KRT7: variants seen among roughly 807,000 people sequenced by gnomAD.
KRT7 encodes the protein keratin, type II cytoskeletal 7.
KRT7 carries 50 observed loss-of-function variants against 42.8 expected under a neutral mutation model. The observed-to-expected ratio is 1.17, with a 90% CI of 0.93 to 1.48. The LOEUF (loss-of-function observed/expected upper bound fraction) is 1.48. KRT7 is among the 40% of genes most tolerant of loss of function. The pLI is 0.00. For missense variants in KRT7, 588 were observed against 637.6 expected (o/e 0.92, Z 0.84); for synonymous variants, 268 against 266.3 (o/e 1.01, Z -0.06).
At chr12:52,253,442 A>G, downstream of KRT7, 1 of 1,549,658 alleles carries the variant, frequency 6.5e-7, no homozygotes, top group Non-Finnish European at 8.9e-7. Flanking sequence ...CTGTGCAACC[A>G]CACATGGCAG....
Position 52,235,297 on chromosome 12 carries a change from A to T in KRT7, c.467A>T (p.Gln156Leu). Residue 156 changes from glutamine to leucine, a missense_variant, in exon 2 of 9, where the codon CAG becomes CTG. Physicochemically the swap from Gln to Leu is moderately radical, Grantham distance 113. Transcript: ENST00000331817. ...AGLRGQLEAL[Q>L]VDGGRLEAEL... ...CTTCGGGGTCAGCTTGAGGCACTGC[A>T]GGTGGATGGGGGCCGCCTGGAGGCG... The T allele has an allele frequency of 6.2e-7, 1 of 1,614,082 alleles. No homozygotes were observed. The highest frequency in any genetic ancestry group is 8.5e-7 in the Non-Finnish European group (1 of 1,179,982).
chr12:52,239,950 G>A (rs1592391271), intron 4 of KRT7, among the ~76,000 whole-genome samples: 1 of 152,214 alleles, frequency 6.6e-6, no homozygotes. Flanking sequence ...GCAGAGGCTA[G>A]GCTGGGCATA....
intron 6 of KRT7, chr12:52,244,334 C>T (rs968398931): frequency 9.1e-6 from 9 of 985,516 alleles, no homozygotes; most frequent in South Asian, 4.7e-5. Context: ...CCAAACCCTG[C>T]AGCCTCTACT....
chr12:52,255,243 G>A (rs148948838), downstream of KRT7: 4 of 429,176 alleles, frequency 9.3e-6, no homozygotes, highest in Non-Finnish European at 1.9e-5. Flanking sequence ...GAACTACAGA[G>A]AGCCTGATGT....
downstream of KRT7, chr12:52,252,613 G>T: frequency 8.9e-7 from 1 of 1,123,266 alleles, no homozygotes; most frequent in Non-Finnish European, 1.2e-6. Flanking sequence ...TTGCAAATTA[G>T]TGCTCCCAGG....
At chr12:52,252,226 C>G (rs560942874), downstream of KRT7, 41 of 1,613,058 alleles carry the variant, frequency 2.5e-5, no homozygotes, top group African/African-American at 5.3e-4. Flanking sequence ...CTGGGGGAAA[C>G]TGAGGGGACA....
chr12:52,248,830 C>A lies in KRT7; in HGVS notation c.*70C>A. ...CAAGAAGATTCCCACCCCTGCCTCC[C>A]ATGCCTGGTCCCAAGACAGTGAGAC... On this transcript the variant is annotated 3_prime_UTR_variant, in exon 9 of 9. Coordinates refer to ENST00000331817, the MANE Select transcript of KRT7 (RefSeq NM_005556.4). The A allele has an allele frequency of 7.1e-7, 1 of 1,406,498 alleles. No individual in the cohort carries two copies. Among genetic ancestry groups the A allele is most frequent in the African/African-American group, 1.5e-5 (1 of 68,496 alleles). 87.1% of individuals were successfully genotyped at this position (1,406,498 alleles called of 1,614,324 possible).
chr12:52,243,945 G>A (rs1016677018), intron 6 of KRT7, among the ~76,000 whole-genome samples: 1 of 152,250 alleles, frequency 6.6e-6, no homozygotes, highest in Non-Finnish European at 1.5e-5. Flanking sequence ...GCAGGGGCAC[G>A]GGTCTCAGAT....
chr12:52,253,405 G>A (rs1942296890), downstream of KRT7: 2 of 1,589,782 alleles, frequency 1.3e-6, no homozygotes, highest in Non-Finnish European at 1.7e-6. Flanking sequence ...CACCACGGAT[G>A]ATTGTGCAGG....
chr12:52,240,781 TTTA>T lies in KRT7; in HGVS notation c.694-683_694-681del, dbSNP rs1247115486. On this transcript the variant is annotated intron_variant, in intron 4 of 8. Coordinates refer to ENST00000331817, the MANE Select transcript of KRT7 (RefSeq NM_005556.4). The stretch of plus-strand genomic sequence containing the variant: ...AATAGCATCATGCTTTATTTTAATT[TTTA>T]TTATTATACTTTAAGTTCTAGGGTA... Among the ~76,000 whole-genome samples the T allele has an allele frequency of 6.6e-5, 10 of 152,322 alleles. No individual in the cohort carries two copies. In the East Asian group the frequency reaches 1.9e-3, roughly 29 times the overall value.
chr12:52,250,359 G>A (rs1276760562), downstream of KRT7: 2 of 358,452 alleles, frequency 5.6e-6, no homozygotes, highest in Non-Finnish European at 1.1e-5. Context: ...GGGGAGGCTG[G>A]GCCCCGAAGC....
chr12:52,241,302 G>T (rs1592392129), intron 4 of KRT7, among the ~76,000 whole-genome samples, 170 bp from the exon 5 acceptor site: 1 of 152,268 alleles, frequency 6.6e-6, no homozygotes, highest in East Asian at 1.9e-4. Flanking sequence ...CCAAGGGTGG[G>T]CAGAATGAAG....
chr12:52,241,770 G>A (rs1449563880), intron 5 of KRT7, 134 bp downstream of exon 5: 2 of 726,748 alleles, frequency 2.8e-6, no homozygotes, highest in Non-Finnish European at 4.5e-6. Context: ...TAAGTCTGTG[G>A]TGCTCAGCCC....
intron 8 of KRT7, 32 bp downstream of exon 8, chr12:52,248,243 TC>T: frequency 6.2e-7 from 1 of 1,611,438 alleles, no homozygotes; most frequent in Non-Finnish European, 8.5e-7. Context: ...ATGGGAAGCA[TC>T]CCTTGTGCTG....
In KRT7 at chr12:52,241,564, T is replaced by C; in HGVS notation, c.786T>C (p.Ala262=). 1 of 1,614,014 alleles carries C rather than the reference T, an allele frequency of 6.2e-7. No homozygotes were observed. Among genetic ancestry groups the C allele is most frequent in the South Asian group, 1.1e-5 (1 of 91,054 alleles). ...SRSLDLDGII[A]EVKAQYEEMA... ...CCCTGGACCTGGACGGCATCATCGC[T>C]GAGGTCAAGGCGCAGTATGAGGAGA... is the stretch of plus-strand genomic sequence containing the variant. The change falls in exon 5 of 9, where the codon GCT becomes GCC. Residue 262 remains alanine, a synonymous_variant. Transcript: ENST00000331817.
At chr12:52,243,158 T>C in intron 6 of KRT7, 21 bp downstream of exon 6, 1 of 1,601,724 alleles carries the variant, frequency 6.2e-7, no homozygotes, top group Non-Finnish European at 8.5e-7. Flanking sequence ...TCCTCCTGGC[T>C]TCCCCTGCTA....
chr12:52,248,537 G>T (rs1307289622), intron 8 of KRT7, 54 bp from the exon 9 acceptor site: 1 of 1,496,834 alleles, frequency 6.7e-7, no homozygotes, highest in Non-Finnish European at 9.0e-7. Context: ...GAAGGGATGG[G>T]GTCCCTGGTA....
chr12:52,253,699 C>G (rs1368826717), downstream of KRT7: 1 of 1,406,368 alleles, frequency 7.1e-7, no homozygotes, highest in South Asian at 1.1e-5. Context: ...ATGTTCAGGT[C>G]CCGACTGTTG....
chr12:52,240,397 A>C (rs1942070702), intron 4 of KRT7, among the ~76,000 whole-genome samples: 2 of 152,230 alleles, frequency 1.3e-5, no homozygotes. Flanking sequence ...TGGGAGGCCG[A>C]GGTGAGTGGA....
Sources: gnomAD v4.1 joint callset for allele counts (sites outside exome capture counted in the v4.1 genomes callset) on GRCh38, gnomAD v4.1.1 for gene constraint, MANE v1.5 for transcripts, NCBI Gene and HGNC (gene_info 2026-07-23, HGNC 2026-07-21) for gene names.